The following KCNH5 variants were observed in gnomAD, a reference collection of about 807,000 sequenced individuals.
The protein encoded by KCNH5 is potassium voltage-gated channel subfamily H member 5.
Under a neutral mutation model 96.1 loss-of-function variants are expected in KCNH5, and 46 were observed. The ratio of observed to expected loss-of-function variants is 0.48; its 90% CI spans 0.38 to 0.61. KCNH5 has a LOEUF of 0.61. Among genes scored for constraint, KCNH5 ranks in the 20% least tolerant of loss-of-function variants. The pLI is 0.00. For synonymous variants in KCNH5, 439 were observed against 449.8 expected (o/e 0.98, Z 0.30); for missense variants, 907 against 1,225.8 (o/e 0.74, Z 3.88).
intron 7 of KCNH5, among the ~76,000 whole-genome samples, chr14:62,871,565 G>A (rs1050860318): frequency 6.6e-6 from 1 of 152,114 alleles, no homozygotes; most frequent in Non-Finnish European, 1.5e-5. Flanking sequence ...CAATAGAGTT[G>A]GGTTGGAAAT....
intron 6 of KCNH5, among the ~76,000 whole-genome samples, chr14:62,956,063 G>A (rs1438146094): frequency 6.6e-6 from 1 of 152,070 alleles, no homozygotes; most frequent in East Asian, 1.9e-4. Context: ...GCAGCACTGA[G>A]CATATCGTCC....
In KCNH5 at chr14:62,980,905, A is replaced by G. The variant is rs1252319244; in HGVS notation, c.909T>C (p.Tyr303=). Residue 303 remains tyrosine, a synonymous_variant, in exon 6 of 11, where the codon TAT becomes TAC. Transcript: ENST00000322893. ...CATTTTCAAAGGCATTGATGATGTCATAAGGTAAACAAGACAGCAGATCGA... is the reference window on the plus strand; with the variant it reads ...CATTTTCAAAGGCATTGATGATGTCGTAAGGTAAACAAGACAGCAGATCGA... ...FVIDLLSCLP[Y]DIINAFENVD... 2 of 1,613,996 alleles carry G rather than the reference A, an allele frequency of 1.2e-6. No homozygotes were observed. Among genetic ancestry groups the G allele is most frequent in the Admixed American group, 3.3e-5 (2 of 59,984 alleles).
chr14:62,934,386 G>GTC (rs1889639295), intron 7 of KCNH5, among the ~76,000 whole-genome samples: 1 of 152,126 alleles, frequency 6.6e-6, no homozygotes, highest in African/African-American at 2.4e-5. Context: ...GCCCTCTATA[G>GTC]AAGAGACTAT....
rs61020453 is a variant in KCNH5 at position 62,746,928 on chromosome 14, A to G, written c.2019+32800T>C. ...TGAAGCAAATAGTGTTTTTAGAAAA[A>G]TTAAACTTCAAACACGCTATCATGT... On this transcript the variant is annotated intron_variant, in intron 10 of 10. Coordinates refer to ENST00000322893, the MANE Select transcript of KCNH5 (RefSeq NM_139318.5). Among the ~76,000 whole-genome samples the G allele has an allele frequency of 8.7e-3, 1,327 of 152,364 alleles. 18 individuals are homozygous for G. Among genetic ancestry groups the G allele is most frequent in the African/African-American group, 0.03 (1,262 of 41,582 alleles).
chr14:62,859,321 T>C (rs898452097), intron 7 of KCNH5, among the ~76,000 whole-genome samples: 7 of 152,160 alleles, frequency 4.6e-5, no homozygotes, highest in African/African-American at 7.2e-5. Context: ...TGGAAGTCCA[T>C]GTTGCTGAGC....
chr14:62,857,279 G>A (rs1887948199), intron 7 of KCNH5, among the ~76,000 whole-genome samples: 2 of 152,158 alleles, frequency 1.3e-5, no homozygotes, highest in African/African-American at 4.8e-5. Context: ...GAAAGATGTG[G>A]GAAGATTGTT....
At chr14:62,954,394 A>G (rs1047755298) in intron 6 of KCNH5, among the ~76,000 whole-genome samples, 16 of 152,212 alleles carry the variant, frequency 1.1e-4, no homozygotes, top group African/African-American at 3.9e-4. Context: ...CATGTATGAC[A>G]TTCCAGGAAA....
chr14:62,823,849 C>T (rs1595640049), intron 8 of KCNH5, among the ~76,000 whole-genome samples: 1 of 151,868 alleles, frequency 6.6e-6, no homozygotes, highest in Non-Finnish European at 1.5e-5. Flanking sequence ...TACGTTTTCC[C>T]CTTTCTTCAA....
chr14:62,986,539 A>T (rs185875135), intron 5 of KCNH5, among the ~76,000 whole-genome samples: 1 of 152,222 alleles, frequency 6.6e-6, no homozygotes, highest in East Asian at 1.9e-4. Context: ...ACTAGCTCTC[A>T]CATTTTCCCT....
At chr14:62,859,203 G>A (rs925531947) in intron 7 of KCNH5, among the ~76,000 whole-genome samples, 26 of 152,206 alleles carry the variant, frequency 1.7e-4, no homozygotes, top group Admixed American at 9.8e-4. Context: ...ACCAGGTAGC[G>A]GGCTGATTAC....
intron 7 of KCNH5, among the ~76,000 whole-genome samples, chr14:62,870,139 C>G (rs1177569103): frequency 6.6e-6 from 1 of 152,164 alleles, no homozygotes; most frequent in Non-Finnish European, 1.5e-5. Context: ...AACAAGCTTA[C>G]CATTTTGGCC....
intron 10 of KCNH5, among the ~76,000 whole-genome samples, chr14:62,748,398 G>T (rs1485233778): frequency 1.3e-5 from 2 of 152,012 alleles, no homozygotes; most frequent in Non-Finnish European, 2.9e-5. Flanking sequence ...CCCAAGTCGG[G>T]GTCTGTTTAG....
At chr14:62,873,485 T>TC (rs1477875565) in intron 7 of KCNH5, among the ~76,000 whole-genome samples, 1 of 152,150 alleles carries the variant, frequency 6.6e-6, no homozygotes, top group Non-Finnish European at 1.5e-5. Flanking sequence ...CAAGCATGTG[T>TC]CAATATATTA....
At chr14:62,776,239 C>G (rs1886092856) in intron 10 of KCNH5, among the ~76,000 whole-genome samples, 3 of 151,970 alleles carry the variant, frequency 2.0e-5, no homozygotes, top group Non-Finnish European at 2.9e-5. Flanking sequence ...TGCACTCCAG[C>G]CTGGGTGACA....
chr14:62,876,882 G>T (rs1888384437), intron 7 of KCNH5, among the ~76,000 whole-genome samples: 1 of 152,120 alleles, frequency 6.6e-6, no homozygotes, highest in South Asian at 2.1e-4. Flanking sequence ...AAAACAAAAA[G>T]AATACTGATT....
In KCNH5 at chr14:62,703,703, T is replaced by C. The variant is rs955284525; in HGVS notation, c.*3805A>G. On this transcript the variant is annotated 3_prime_UTR_variant, in exon 11 of 11. Coordinates refer to ENST00000322893, the MANE Select transcript of KCNH5 (RefSeq NM_139318.5). ...AGAAGAGAAATACTTTTACACCTAA[T>C]AGAAAAAATTATAGCACAACATTCA... 1 of 151,786 alleles carries C rather than the reference T, an allele frequency of 6.6e-6. No individual in the cohort carries two copies. Among genetic ancestry groups the C allele is most frequent in the Non-Finnish European group, 1.5e-5 (1 of 67,762 alleles). 9.4% of individuals were successfully genotyped at this position (151,786 alleles called of 1,614,324 possible). A position where few individuals can be genotyped will look rare whatever the true frequency, so the allele number is the denominator to read the frequency against.
At chr14:63,011,102 G>C (rs1891216781) in intron 2 of KCNH5, among the ~76,000 whole-genome samples, 1 of 152,074 alleles carries the variant, frequency 6.6e-6, no homozygotes, top group Admixed American at 6.6e-5. Context: ...AAAGGTTAAT[G>C]GGAGGTGGAC....
At position 62,796,155 on chromosome 14, in the gene KCNH5, C is replaced by A. The variant is rs372183867; in HGVS notation, c.1822+6174G>T. On this transcript the variant is annotated intron_variant, in intron 9 of 10. Transcript: ENST00000322893. ...CTGGAAATACTAATGAGGAGATTGACACAATTATACCTTAGGAAGATTATT... is the reference window on the plus strand; with the variant it reads ...CTGGAAATACTAATGAGGAGATTGAAACAATTATACCTTAGGAAGATTATT... Among the ~76,000 whole-genome samples, 4 of 152,154 alleles carry A rather than the reference C, an allele frequency of 2.6e-5. No individual in the cohort carries two copies. The South Asian group carries it at 6.2e-4, about 24-fold the overall frequency.
At chr14:62,753,546 A>T (rs898182506) in intron 10 of KCNH5, among the ~76,000 whole-genome samples, 1 of 152,170 alleles carries the variant, frequency 6.6e-6, no homozygotes, top group African/African-American at 2.4e-5. Context: ...GCATTTAATA[A>T]TCAAACTCCC....
Sources: allele counts gnomAD v4.1 joint callset (sites outside exome capture counted in the v4.1 genomes callset), GRCh38; gene constraint gnomAD v4.1.1; transcripts MANE v1.5; gene names NCBI Gene and HGNC (gene_info 2026-07-23, HGNC 2026-07-21).